NRXN1: variants seen among roughly 807,000 people sequenced by gnomAD.
NRXN1 encodes the protein neurexin 1, also known as neurexin-1.
NRXN1 carries 39 observed loss-of-function variants against 150.9 expected under a neutral mutation model. That is an observed-to-expected ratio of 0.26 (90% CI 0.20 to 0.34). The LOEUF (loss-of-function observed/expected upper bound fraction) is 0.34, where lower values mean the gene tolerates loss of function less well. Among genes scored for constraint, NRXN1 ranks in the 10% least tolerant of loss-of-function variants. The pLI is 1.00. For synonymous variants in NRXN1, 924 were observed against 757.0 expected, an observed-to-expected ratio of 1.22 and a Z score of -3.62; for missense variants, 1,815 against 1,949.9, an observed-to-expected ratio of 0.93 and a Z score of 1.30.
intron 2 of NRXN1, among the ~76,000 whole-genome samples, chr2:50,973,810 T>C: frequency 6.6e-6 from 1 of 152,156 alleles, no homozygotes; most frequent in East Asian, 1.9e-4. Flanking sequence ...ATATTTTTTA[T>C]TTATCTCAGT....
intron 5 of NRXN1, among the ~76,000 whole-genome samples, chr2:50,863,846 G>T (rs574086373): frequency 6.6e-6 from 1 of 151,970 alleles, no homozygotes; most frequent in East Asian, 2.0e-4. Flanking sequence ...TGAGACATAG[G>T]GCCTATGCGC....
rs1473938761 is a variant in NRXN1, at chr2:50,106,151, ATTAT to A, written c.3547-14661_3547-14658del. Among the ~76,000 whole-genome samples the A allele has an allele frequency of 2.0e-5, 3 of 151,744 alleles. No individual in the cohort carries two copies. In the East Asian group the frequency reaches 5.8e-4, roughly 29 times the overall value. On this transcript the variant is annotated intron_variant, in intron 18 of 22. Coordinates refer to ENST00000401669, the MANE Select transcript of NRXN1 (RefSeq NM_001330078.2). The stretch of plus-strand genomic sequence containing the variant: ...TCAAGTTTTCTACTTATAATTTGTA[ATTAT>A]TTAAATTGTTTTATTTTTATCTTAG...
chr2:50,405,988 G>A (rs2103995611), intron 17 of NRXN1, among the ~76,000 whole-genome samples: 1 of 152,138 alleles, frequency 6.6e-6, no homozygotes, highest in South Asian at 2.1e-4. Context: ...GCCACAGATT[G>A]GTAAATCATT....
At position 50,531,323 on chromosome 2, in the gene NRXN1, C is replaced by T. The variant is rs933060457; in HGVS notation, c.2251G>A (p.Ala751Thr). Residue 751 changes from alanine to threonine, a missense_variant, in exon 11 of 23, where the codon GCA becomes ACA. Physicochemically the swap from Ala to Thr is moderately conservative, Grantham distance 58 (BLOSUM62 0). Transcript: ENST00000401669. The stretch of plus-strand genomic sequence containing the variant: ...GTGGTTGCCATCAGAATGCCATATG[C>T]ACGCTGGGATCGGAACCGTAAGGAA... ...DVSLRFRSQRAYGILMATTSR... is the reference protein window; with the variant it reads ...DVSLRFRSQRTYGILMATTSR... 1.2e-6 allele frequency: 2 copies of T among 1,613,442 alleles called. No individual in the cohort carries two copies. The highest frequency in any genetic ancestry group is 1.7e-5 in the Admixed American group (1 of 59,936).
At position 50,865,658 on chromosome 2, in the gene NRXN1, G is replaced by GTTTTTTTTTTTTTTTTTTTTTTTTT. The variant is rs71404978; in HGVS notation, c.832+56186_832+56210dup. Among the ~76,000 whole-genome samples, 4 of 41,860 alleles carry GTTTTTTTTTTTTTTTTTTTTTTTTT rather than the reference G, an allele frequency of 9.6e-5. 2 individuals are homozygous for GTTTTTTTTTTTTTTTTTTTTTTTTT. Among genetic ancestry groups the GTTTTTTTTTTTTTTTTTTTTTTTTT allele is most frequent in the Non-Finnish European group, 1.6e-4 (4 of 25,612 alleles). The allele number at this position is 41,860 out of a possible 152,430, so 27.5% of individuals were successfully genotyped here. On this transcript the variant is annotated intron_variant, in intron 5 of 22. Coordinates refer to ENST00000401669, the MANE Select transcript of NRXN1 (RefSeq NM_001330078.2). ...AGTAATTCCCAGTAAGCATTTGAAA[G>GTTTTTTTTTTTTTTTTTTTTTTTTT]TTTTTTTTTTTTTTTTTTTTTTTTT... is the stretch of plus-strand genomic sequence containing the variant.
At chr2:50,208,244 T>C (rs2062757323) in intron 18 of NRXN1, among the ~76,000 whole-genome samples, 1 of 152,084 alleles carries the variant, frequency 6.6e-6, no homozygotes. Context: ...GCAGACCTCT[T>C]ATGTACTAGC....
At chr2:50,418,880 A>G (rs187739647) in intron 17 of NRXN1, among the ~76,000 whole-genome samples, 14 of 152,180 alleles carry the variant, frequency 9.2e-5, no homozygotes, top group Admixed American at 7.9e-4. Flanking sequence ...GTTTAAAGGC[A>G]TAAGTGGTTT....
At chr2:49,977,467 T>G (rs1679184614) in intron 21 of NRXN1, among the ~76,000 whole-genome samples, 1 of 152,216 alleles carries the variant, frequency 6.6e-6, no homozygotes, top group Admixed American at 6.5e-5. Context: ...GAAACCATGT[T>G]CTAAATGCTA....
intron 19 of NRXN1, among the ~76,000 whole-genome samples, chr2:50,086,943 T>G (rs1698875342): frequency 6.6e-6 from 1 of 152,140 alleles, no homozygotes. Flanking sequence ...TTTTCTCACA[T>G]TCTACTTTAG....
At chr2:50,052,836 T>C (rs1462795445) in intron 21 of NRXN1, among the ~76,000 whole-genome samples, 1 of 152,258 alleles carries the variant, frequency 6.6e-6, no homozygotes, top group Middle Eastern at 3.4e-3. Flanking sequence ...CAAAATACTA[T>C]AGAAGTATTG....
intron 12 of NRXN1, among the ~76,000 whole-genome samples, chr2:50,513,171 C>A (rs575086973): frequency 2.0e-5 from 3 of 152,116 alleles, no homozygotes; most frequent in African/African-American, 7.2e-5. Flanking sequence ...GTGTTTGGTG[C>A]TTTGCACTTT....
chr2:50,944,379 A>C (rs1446043323), intron 2 of NRXN1, among the ~76,000 whole-genome samples: 1 of 152,130 alleles, frequency 6.6e-6, no homozygotes, highest in East Asian at 1.9e-4. Context: ...CCACATTGTG[A>C]GCCTCAGTCA....
At chr2:50,502,222 AGAAG>A (rs75040358) in intron 13 of NRXN1, among the ~76,000 whole-genome samples, 55,484 of 151,052 alleles carry the variant, frequency 0.37, 10,712 homozygotes, top group Middle Eastern at 0.55. Flanking sequence ...AAGAAAGGAA[AGAAG>A]GAAGGAAGGA....
At chr2:50,472,550 G>T in intron 15 of NRXN1, 79 bp from the exon 16 acceptor site, 1 of 1,122,042 alleles carries the variant, frequency 8.9e-7, no homozygotes. Context: ...AGAAAAAACA[G>T]GGAGGTTTAT....
At chr2:49,960,987 C>A (rs907278071) in intron 21 of NRXN1, among the ~76,000 whole-genome samples, 1 of 151,864 alleles carries the variant, frequency 6.6e-6, no homozygotes, top group African/African-American at 2.4e-5. Context: ...AATTACAAGG[C>A]TTTTTTTCAT....
At chr2:50,489,740 A>G (rs1213859183) in intron 15 of NRXN1, among the ~76,000 whole-genome samples, 1 of 152,174 alleles carries the variant, frequency 6.6e-6, no homozygotes, top group Non-Finnish European at 1.5e-5. Flanking sequence ...AAACAAGTAA[A>G]ATGGGTGAAG....
chr2:50,331,952 A>G (rs763710883), intron 17 of NRXN1, among the ~76,000 whole-genome samples: 6 of 152,214 alleles, frequency 3.9e-5, no homozygotes, highest in Non-Finnish European at 7.4e-5. Context: ...AGATTACTCA[A>G]TAGAATCTTT....
At chr2:50,649,941 T>G (rs1232112851) in intron 5 of NRXN1, among the ~76,000 whole-genome samples, 1 of 152,002 alleles carries the variant, frequency 6.6e-6, no homozygotes, top group Non-Finnish European at 1.5e-5. Flanking sequence ...CACTGTCTAA[T>G]AGCCACAAGT....
chr2:49,932,647 C>T (rs1670338508), intron 22 of NRXN1, among the ~76,000 whole-genome samples: 1 of 152,108 alleles, frequency 6.6e-6, no homozygotes, highest in Non-Finnish European at 1.5e-5. Flanking sequence ...TTCTTACATT[C>T]TTCCATATAT....
Sources: allele counts gnomAD v4.1 joint callset (sites outside exome capture counted in the v4.1 genomes callset), GRCh38; gene constraint gnomAD v4.1.1; transcripts MANE v1.5; gene names NCBI Gene and HGNC (gene_info 2026-07-23, HGNC 2026-07-21).